The following PRSS38 variants were observed in gnomAD, a reference collection of about 807,000 sequenced individuals.
PRSS38 encodes the protein marapsin 2.
A neutral mutation model predicts 26.8 loss-of-function variants in PRSS38; 22 were observed. That is an observed-to-expected ratio of 0.82 (90% CI 0.59 to 1.17). The LOEUF (loss-of-function observed/expected upper bound fraction) is 1.17, where lower values mean the gene tolerates loss of function less well. Ranked by LOEUF, PRSS38 falls within the 50% of genes most tolerant of loss-of-function variation. PRSS38 has a pLI of 0.00. For missense variants in PRSS38, 427 were observed against 422.7 expected (o/e 1.01, Z -0.09); for synonymous variants, 175 against 172.1 (o/e 1.02, Z -0.13).
At position 227,816,179 on chromosome 1, in the gene PRSS38, G is replaced by T. The variant is rs750191354; in HGVS notation, c.238G>T (p.Ala80Ser). Residue 80 changes from alanine to serine, a missense_variant, in exon 2 of 5, where the codon GCA (alanine) becomes TCA (serine). By Grantham distance (99) the Ala-to-Ser change is moderately conservative. Transcript: ENST00000366757. The surrounding 1 kb of genome is among the most constrained non-coding windows in gnomAD (Gnocchi z 5.1). Reference sequence around the variant, plus strand: ...GCCGTGGCAGGTCAGCGTGCACTACGCAGGCCTCCACGTCTGCGGCGGCTC... The same window carrying T: ...GCCGTGGCAGGTCAGCGTGCACTACTCAGGCCTCCACGTCTGCGGCGGCTC... The T allele has an allele frequency of 5.0e-6, 8 of 1,613,632 alleles. No individual in the cohort carries two copies. Among genetic ancestry groups the T allele is most frequent in the Non-Finnish European group, 6.8e-6 (8 of 1,179,912 alleles).
chr1:227,819,174 T>C (rs1558232150), intron 3 of PRSS38, among the ~76,000 whole-genome samples: 1 of 152,194 alleles, frequency 6.6e-6, no homozygotes, highest in Non-Finnish European at 1.5e-5. Flanking sequence ...AGATTTTGCA[T>C]TGGTGTATGT....
chr1:227,828,947 A>G (rs772588230), intron 3 of PRSS38, among the ~76,000 whole-genome samples: 2 of 152,162 alleles, frequency 1.3e-5, no homozygotes, highest in East Asian at 1.9e-4. Context: ...GCTGGTTGCA[A>G]TGATTCATGG....
chr1:227,845,305 C>T (rs969394855), intron 3 of PRSS38, among the ~76,000 whole-genome samples, 165 bp from the exon 4 acceptor site: 1 of 151,990 alleles, frequency 6.6e-6, no homozygotes, highest in Non-Finnish European at 1.5e-5. Flanking sequence ...CAGGACTCCT[C>T]CCTATGTGTG....
intron 1 of PRSS38, 57 bp downstream of exon 1, chr1:227,815,921 G>A: frequency 1.3e-6 from 2 of 1,546,476 alleles, no homozygotes; most frequent in African/African-American, 1.4e-5. Flanking sequence ...TGGGGCGTCT[G>A]TCGGTGCTGG....
At chr1:227,841,659 C>G (rs937303807) in intron 3 of PRSS38, among the ~76,000 whole-genome samples, 1 of 152,194 alleles carries the variant, frequency 6.6e-6, no homozygotes, top group African/African-American at 2.4e-5. Flanking sequence ...ACTAGTCTTT[C>G]ATTTTTAACC....
Position 227,845,621 on chromosome 1 carries a change from C to G in PRSS38, c.726+9C>G. ...CTAAGACCGTGTGTGAGGTGTGCCC[C>G]TCCTGGTCCATGAGACAGAGGTCAT... On this transcript the variant is annotated intron_variant, in intron 4 of 4. Coordinates refer to ENST00000366757, the Ensembl canonical transcript of PRSS38. 1 of 1,611,620 alleles carries G rather than the reference C, an allele frequency of 6.2e-7. No homozygotes were observed. Among genetic ancestry groups the G allele is most frequent in the Non-Finnish European group, 8.5e-7 (1 of 1,178,382 alleles).
In PRSS38 at chr1:227,816,311, G is replaced by A; in HGVS notation, c.311+59G>A. The stretch of plus-strand genomic sequence containing the variant: ...GCTGGGCCTGCACGGAGTGCCCACA[G>A]CGGCTTGGATGGACCCCACGCAAGC... On this transcript the variant is annotated intron_variant, in intron 2 of 4. Coordinates refer to ENST00000366757, the Ensembl canonical transcript of PRSS38. This position sits in a 1 kb window ranked among gnomAD's most constrained non-coding sequence, Gnocchi z 5.1. 6.4e-7 allele frequency: 1 copy of A among 1,551,622 alleles called. No individual in the cohort carries two copies. Among genetic ancestry groups the A allele is most frequent in the African/African-American group, 1.4e-5 (1 of 73,868 alleles).
chr1:227,833,400 G>T (rs550726037), intron 3 of PRSS38, among the ~76,000 whole-genome samples: 16 of 152,086 alleles, frequency 1.1e-4, no homozygotes, highest in Non-Finnish European at 2.2e-4. Context: ...GGTCATGGGT[G>T]CCTGTAATCC....
chr1:227,832,841 A>T (rs1409201506), intron 3 of PRSS38, among the ~76,000 whole-genome samples: 1 of 152,252 alleles, frequency 6.6e-6, no homozygotes, highest in East Asian at 1.9e-4. Context: ...AAGTGGCAGG[A>T]TGCAAAATCA....
At chr1:227,844,111 T>C (rs914110265) in intron 3 of PRSS38, among the ~76,000 whole-genome samples, 7 of 152,240 alleles carry the variant, frequency 4.6e-5, no homozygotes, top group African/African-American at 1.7e-4. Flanking sequence ...CTGACATCTT[T>C]TGTTTTAACT....
At chr1:227,831,057 T>C (rs1361939981) in intron 3 of PRSS38, among the ~76,000 whole-genome samples, 2 of 152,116 alleles carry the variant, frequency 1.3e-5, no homozygotes, top group African/African-American at 4.8e-5. Flanking sequence ...TTTTTCTTAT[T>C]TTCTTCCTTC....
upstream of PRSS38, chr1:227,815,692 C>A: frequency 6.4e-7 from 1 of 1,553,570 alleles, no homozygotes; most frequent in Non-Finnish European, 8.7e-7. Context: ...GCTAGTCACC[C>A]GCTGGGGGCG....
At chr1:227,832,211 G>T (rs1272445397) in intron 3 of PRSS38, among the ~76,000 whole-genome samples, 1 of 152,144 alleles carries the variant, frequency 6.6e-6, no homozygotes, top group Non-Finnish European at 1.5e-5. Flanking sequence ...TCTTTTGGTA[G>T]AAAGCATATA....
At chr1:227,845,735 A>C (rs183911503) in intron 4 of PRSS38, 123 bp downstream of exon 4, 20 of 1,278,896 alleles carry the variant, frequency 1.6e-5, no homozygotes, top group Non-Finnish European at 2.2e-5. Flanking sequence ...CAAGCTGAGC[A>C]GGGCGATGTA....
chr1:227,815,725 C>A, exon 1 of PRSS38: 2 of 1,590,950 alleles, frequency 1.3e-6, no homozygotes, highest in Non-Finnish European at 1.7e-6. Context: ...TCATGGCTGC[C>A]CCTGCTTCCG....
intron 3 of PRSS38, among the ~76,000 whole-genome samples, chr1:227,818,842 T>G (rs2102672566): frequency 6.6e-6 from 1 of 152,272 alleles, no homozygotes; most frequent in Admixed American, 6.5e-5. Context: ...AAAGTAAAGA[T>G]TAGCTATTTC....
chr1:227,829,423 A>G (rs1372418509), intron 3 of PRSS38, among the ~76,000 whole-genome samples: 1 of 152,096 alleles, frequency 6.6e-6, no homozygotes. Context: ...GGTCATTTGT[A>G]TGTCTTCTTT....
chr1:227,833,536 A>T (rs994120581), intron 3 of PRSS38, among the ~76,000 whole-genome samples: 2 of 152,164 alleles, frequency 1.3e-5, no homozygotes, highest in Non-Finnish European at 2.9e-5. Context: ...TCAAAAAAAA[A>T]AAGCAACGTT....
Position 227,815,878 on chromosome 1 carries a change from C to T in PRSS38, c.148+14C>T. ...CTGGCAGCGTGGGTAGGCCCTGCCC[C>T]AGGGGCGGATGGGCGGCTGGAGACA... On this transcript the variant is annotated intron_variant, in intron 1 of 4. Coordinates refer to ENST00000366757, the Ensembl canonical transcript of PRSS38. 6.3e-7 allele frequency: 1 copy of T among 1,591,338 alleles called. No homozygotes were observed. Among genetic ancestry groups the T allele is most frequent in the Non-Finnish European group, 8.6e-7 (1 of 1,164,454 alleles).
Sources: allele counts gnomAD v4.1 joint callset (sites outside exome capture counted in the v4.1 genomes callset), GRCh38; gene constraint gnomAD v4.1.1; non-coding constraint Gnocchi (gnomAD v3.1); transcripts MANE v1.5; gene names NCBI Gene and HGNC (gene_info 2026-07-23, HGNC 2026-07-21).